The following PDE4B variants were observed in gnomAD, a reference collection of about 807,000 sequenced individuals.
PDE4B encodes the protein 3',5'-cyclic-AMP phosphodiesterase 4B.
PDE4B carries 20 observed loss-of-function variants against 82.2 expected under a neutral mutation model. The ratio of observed to expected loss-of-function variants is 0.24; its 90% CI spans 0.17 to 0.35. The LOEUF (loss-of-function observed/expected upper bound fraction) is 0.35. Among genes scored for constraint, PDE4B ranks in the 10% least tolerant of loss-of-function variants. The pLI, the probability that PDE4B is intolerant of heterozygous loss-of-function variation, is 1.00. For synonymous variants in PDE4B, 320 were observed against 318.9 expected (o/e 1.00, Z -0.04); for missense variants, 655 against 907.2 (o/e 0.72, Z 3.57).
rs186711955 is a variant in PDE4B, at chr1:66,033,947, C to A, written c.281+115112C>A. 7.9e-5 allele frequency among the ~76,000 whole-genome samples: 12 copies of A among 152,260 alleles called. No individual in the cohort carries two copies. The East Asian group carries it at 2.3e-3, about 29-fold the overall frequency. On this transcript the variant is annotated intron_variant, in intron 3 of 16. Coordinates refer to ENST00000341517, the MANE Select transcript of PDE4B (RefSeq NM_002600.4). ...CTCCATTGAATGACAGCTTGACTAACCCAGTGACACATACAGGTCTCAGCC... is the reference window on the plus strand; with the variant it reads ...CTCCATTGAATGACAGCTTGACTAAACCAGTGACACATACAGGTCTCAGCC...
intron 3 of PDE4B, among the ~76,000 whole-genome samples, chr1:65,970,777 C>CTATAACAAGCAATGCATG (rs1650087320): frequency 6.6e-6 from 1 of 151,948 alleles, no homozygotes; most frequent in Non-Finnish European, 1.5e-5. Context: ...AACATTGCAT[C>CTATAACAAGCAATGCATG]TATAACAAGC....
chr1:65,877,836 A>G (rs999334994), intron 1 of PDE4B, among the ~76,000 whole-genome samples: 2 of 152,094 alleles, frequency 1.3e-5, no homozygotes, highest in African/African-American at 4.8e-5. Flanking sequence ...CAAAGATTTC[A>G]TGACTAAAAC....
intron 1 of PDE4B, among the ~76,000 whole-genome samples, chr1:65,851,343 A>G (rs1047995450): frequency 1.3e-5 from 2 of 151,942 alleles, no homozygotes; most frequent in Non-Finnish European, 1.5e-5. Context: ...TTCTATATAT[A>G]TGTTAGAATC....
intron 3 of PDE4B, among the ~76,000 whole-genome samples, chr1:66,113,942 G>A (rs974419021): frequency 6.6e-6 from 1 of 152,200 alleles, no homozygotes; most frequent in South Asian, 2.1e-4. Flanking sequence ...TTGAGAGTAA[G>A]CACTTCTACT....
chr1:65,916,090 A>T (rs1274014343), intron 2 of PDE4B, among the ~76,000 whole-genome samples: 1 of 152,206 alleles, frequency 6.6e-6, no homozygotes, highest in Non-Finnish European at 1.5e-5. Flanking sequence ...CAGAGTGTGA[A>T]GTAATTATGA....
At chr1:66,096,155 C>G (rs1345666935) in intron 3 of PDE4B, among the ~76,000 whole-genome samples, 1 of 151,674 alleles carries the variant, frequency 6.6e-6, no homozygotes, top group East Asian at 1.9e-4. Context: ...TTTAAAAAAT[C>G]TGTGCATATA....
chr1:65,973,001 G>A (rs1004325686), intron 3 of PDE4B, among the ~76,000 whole-genome samples: 2 of 152,152 alleles, frequency 1.3e-5, no homozygotes, highest in African/African-American at 4.8e-5. Flanking sequence ...GGAGCAAAGT[G>A]TTCTGTTGGC....
chr1:66,126,973 T>G (rs1046544891), intron 3 of PDE4B, among the ~76,000 whole-genome samples: 2 of 151,886 alleles, frequency 1.3e-5, no homozygotes, highest in East Asian at 3.9e-4. Context: ...TCTTTAAAAA[T>G]ATCAAGATCA....
rs535698525 is a variant in PDE4B at position 65,880,712 on chromosome 1, A to G, written c.-70-32533A>G. Among the ~76,000 whole-genome samples the G allele has an allele frequency of 1.5e-4, 23 of 152,304 alleles. No individual in the cohort carries two copies. In the South Asian group the frequency reaches 3.1e-3, roughly 21 times the overall value. ...TCTTGGACGTGCCAGCCTTCAGAAC[A>G]GTGGGAAATAAATTTGTGTTGTTAA... On this transcript the variant is annotated intron_variant, in intron 1 of 16. Transcript: ENST00000341517.
At chr1:66,165,981 C>T (rs2101299917) in intron 3 of PDE4B, among the ~76,000 whole-genome samples, 1 of 150,948 alleles carries the variant, frequency 6.6e-6, no homozygotes, top group Admixed American at 6.6e-5. Flanking sequence ...GGAGGATTCA[C>T]ACTTTCCAAT....
chr1:66,236,351 A>G (rs1021252368), intron 3 of PDE4B, among the ~76,000 whole-genome samples: 2 of 152,076 alleles, frequency 1.3e-5, no homozygotes, highest in African/African-American at 4.8e-5. Flanking sequence ...TTACTTCTAC[A>G]TATGTCATGA....
chr1:65,943,024 A>G (rs1436613439), intron 3 of PDE4B, among the ~76,000 whole-genome samples: 1 of 151,804 alleles, frequency 6.6e-6, no homozygotes, highest in Admixed American at 6.6e-5. Flanking sequence ...ATATAATCCC[A>G]ATTGTTTATT....
chr1:66,206,421 A>G (rs1649560254), intron 3 of PDE4B, among the ~76,000 whole-genome samples: 1 of 152,208 alleles, frequency 6.6e-6, no homozygotes, highest in Non-Finnish European at 1.5e-5. Flanking sequence ...GATATAGCAC[A>G]AAGACCAAAG....
chr1:66,085,451 G>A (rs1053181207), intron 3 of PDE4B, among the ~76,000 whole-genome samples: 3 of 152,122 alleles, frequency 2.0e-5, no homozygotes, highest in African/African-American at 7.2e-5. Context: ...TTTTATGACA[G>A]AAGTGCAAAC....
chr1:65,977,267 G>A (rs566372279), intron 3 of PDE4B, among the ~76,000 whole-genome samples: 1 of 152,196 alleles, frequency 6.6e-6, no homozygotes, highest in East Asian at 1.9e-4. Context: ...TGATTCAGTA[G>A]GTAGCAATAT....
At chr1:66,259,672 G>C (rs967763076) in intron 6 of PDE4B, among the ~76,000 whole-genome samples, 1 of 152,138 alleles carries the variant, frequency 6.6e-6, no homozygotes, top group Non-Finnish European at 1.5e-5. Context: ...GTGCCCTTTA[G>C]GAGTAAGAAT....
At chr1:66,282,623 A>G (rs1656378712) in intron 7 of PDE4B, among the ~76,000 whole-genome samples, 1 of 152,218 alleles carries the variant, frequency 6.6e-6, no homozygotes, top group Non-Finnish European at 1.5e-5. Flanking sequence ...TGTGACTTAA[A>G]TGAAAGAGCA....
At chr1:66,325,663 G>A (rs4655607) in intron 7 of PDE4B, among the ~76,000 whole-genome samples, 95,182 of 152,054 alleles carry the variant, frequency 0.63, 30,007 homozygotes, top group East Asian at 0.83. Flanking sequence ...GTCCTACAGT[G>A]GGAAGGACGC....
chr1:66,308,606 T>C (rs749371523), intron 7 of PDE4B, among the ~76,000 whole-genome samples: 4 of 152,210 alleles, frequency 2.6e-5, no homozygotes, highest in Admixed American at 6.5e-5. Flanking sequence ...TACTATTTAA[T>C]GTACTTTTTA....
Sources: gnomAD v4.1 joint callset for allele counts (sites outside exome capture counted in the v4.1 genomes callset) on GRCh38, gnomAD v4.1.1 for gene constraint, MANE v1.5 for transcripts, NCBI Gene and HGNC (gene_info 2026-07-23, HGNC 2026-07-21) for gene names.